The following TANC2 variants were observed in gnomAD, a reference collection of about 807,000 sequenced individuals.
The protein encoded by TANC2 is tetratricopeptide repeat, ankyrin repeat and coiled-coil containing 2.
TANC2 carries 26 observed loss-of-function variants against 210.5 expected under a neutral mutation model. The observed-to-expected ratio is 0.12, with a 90% CI of 0.09 to 0.17. The LOEUF (loss-of-function observed/expected upper bound fraction) is 0.17, where lower values mean the gene tolerates loss of function less well. TANC2 is among the 10% of genes least tolerant of loss of function. The pLI, the probability that TANC2 is intolerant of heterozygous loss-of-function variation, is 1.00. For synonymous variants in TANC2, 931 were observed against 967.1 expected (o/e 0.96, Z 0.69); for missense variants, 2,129 against 2,608.9 (o/e 0.82, Z 4.01).
intron 15 of TANC2, among the ~76,000 whole-genome samples, chr17:63,383,118 A>G (rs780441927): frequency 1.3e-5 from 2 of 152,160 alleles, no homozygotes; most frequent in Non-Finnish European, 2.9e-5. Context: ...GAGTTCCCAC[A>G]TACTCCCCCA....
chr17:63,402,415 G>A (rs2048371323), intron 19 of TANC2, among the ~76,000 whole-genome samples: 1 of 152,136 alleles, frequency 6.6e-6, no homozygotes, highest in South Asian at 2.1e-4. Context: ...CTGACATATA[G>A]CTCAATAAGT....
At chr17:63,144,356 A>G (rs1267765558) in intron 4 of TANC2, among the ~76,000 whole-genome samples, 1 of 152,148 alleles carries the variant, frequency 6.6e-6, no homozygotes, top group Non-Finnish European at 1.5e-5. Context: ...TGATATTTGT[A>G]TTGGTAAACA....
chr17:63,152,286 A>G (rs951354446), intron 5 of TANC2: 1 of 152,164 alleles, frequency 6.6e-6, no homozygotes. Flanking sequence ...GTTCTGGGGA[A>G]GATATCAGTA....
chr17:63,112,373 G>A (rs2038083478), intron 4 of TANC2, among the ~76,000 whole-genome samples: 1 of 152,154 alleles, frequency 6.6e-6, no homozygotes, highest in Non-Finnish European at 1.5e-5. Context: ...TCTAGGGGGA[G>A]GCAGTAGGCA....
At chr17:63,189,128 C>G (rs753094981) in intron 5 of TANC2, among the ~76,000 whole-genome samples, 37 of 151,646 alleles carry the variant, frequency 2.4e-4, no homozygotes, top group Non-Finnish European at 2.4e-4. Context: ...TTTTTCATGG[C>G]CAAATGTTCC....
chr17:63,254,545 C>T (rs893777338), intron 8 of TANC2, among the ~76,000 whole-genome samples: 3 of 152,098 alleles, frequency 2.0e-5, no homozygotes, highest in African/African-American at 7.2e-5. Flanking sequence ...GCATCCTTGT[C>T]TTGTTCTAGT....
exon 26 of TANC2, chr17:63,415,602 G>T (rs540743422): frequency 6.2e-7 from 1 of 1,613,714 alleles, no homozygotes; most frequent in African/African-American, 1.3e-5. Context: ...GGTTTGGTGA[G>T]GACTTGAAAA....
chr17:63,120,831 A>C (rs1047198530), intron 4 of TANC2: 1 of 151,052 alleles, frequency 6.6e-6, no homozygotes, highest in Non-Finnish European at 1.5e-5. Flanking sequence ...AAAAAAAAAA[A>C]AAAAAAAAAA....
intron 1 of TANC2, among the ~76,000 whole-genome samples, chr17:62,983,818 C>T (rs1296990872): frequency 1.3e-5 from 2 of 152,042 alleles, no homozygotes; most frequent in African/African-American, 4.8e-5. Context: ...AGATAAATCT[C>T]ACTTGATTAT....
intron 14 of TANC2, among the ~76,000 whole-genome samples, chr17:63,356,733 C>T (rs2046791983): frequency 1.3e-5 from 2 of 152,114 alleles, no homozygotes; most frequent in South Asian, 4.1e-4. Flanking sequence ...GGAACTTTGA[C>T]CTTTGGAAAA....
chr17:63,201,276 A>G (rs1332980161), intron 7 of TANC2, among the ~76,000 whole-genome samples: 1 of 152,186 alleles, frequency 6.6e-6, no homozygotes, highest in Non-Finnish European at 1.5e-5. Flanking sequence ...GAAAAAGTTC[A>G]TTCCTTACTG....
chr17:63,308,842 G>A (rs2045016176), intron 9 of TANC2, among the ~76,000 whole-genome samples: 1 of 151,736 alleles, frequency 6.6e-6, no homozygotes, highest in Admixed American at 6.6e-5. Flanking sequence ...AATTCATTTT[G>A]CAGCTTTTTA....
chr17:63,212,036 C>G (rs1010730485), intron 7 of TANC2, among the ~76,000 whole-genome samples: 8 of 152,136 alleles, frequency 5.3e-5, no homozygotes, highest in African/African-American at 1.7e-4. Context: ...TCCAGCCCCC[C>G]ACCCCACAAC....
At chr17:63,044,718 C>T (rs879806629) in intron 2 of TANC2, among the ~76,000 whole-genome samples, 5 of 152,040 alleles carry the variant, frequency 3.3e-5, no homozygotes, top group Non-Finnish European at 5.9e-5. Context: ...AGAGTTTTTT[C>T]TTTTTCCTAT....
At chr17:63,305,023 T>C (rs1452030928) in intron 9 of TANC2, among the ~76,000 whole-genome samples, 1 of 152,202 alleles carries the variant, frequency 6.6e-6, no homozygotes, top group Non-Finnish European at 1.5e-5. Flanking sequence ...CTATCAGTCC[T>C]ATTGTTCGCT....
At chr17:63,115,988 G>C (rs2038236491) in intron 4 of TANC2, among the ~76,000 whole-genome samples, 2 of 152,124 alleles carry the variant, frequency 1.3e-5, no homozygotes, top group African/African-American at 4.8e-5. Flanking sequence ...GGAGATAAAT[G>C]CATCATAAAT....
chr17:62,992,940 T>C (rs927890368), intron 1 of TANC2, among the ~76,000 whole-genome samples: 1 of 152,224 alleles, frequency 6.6e-6, no homozygotes, highest in Non-Finnish European at 1.5e-5. Context: ...GGCATACCTG[T>C]GTTCCGTCTG....
At chr17:63,345,543 C>T (rs978473844) in intron 12 of TANC2, among the ~76,000 whole-genome samples, 6 of 146,276 alleles carry the variant, frequency 4.1e-5, no homozygotes, top group Admixed American at 1.4e-4. Flanking sequence ...CACTTGAACC[C>T]GGGAGGTGGA....
chr17:63,385,951 G>A lies in TANC2; in HGVS notation c.2692-2684G>A, dbSNP rs117370868. ...CCAGCCTTTTGGCTCATGCTCTTAG[G>A]ATAGAATGGAACGAGAGGATACGTA... is the stretch of plus-strand genomic sequence containing the variant. On this transcript the variant is annotated intron_variant, in intron 15 of 27. Transcript: ENST00000689528. Among the ~76,000 whole-genome samples the A allele has an allele frequency of 1.9e-4, 29 of 152,314 alleles. No individual in the cohort carries two copies. The East Asian group carries it at 5.4e-3, about 28-fold the overall frequency.
Sources: gnomAD v4.1 joint callset for allele counts (sites outside exome capture counted in the v4.1 genomes callset) on GRCh38, gnomAD v4.1.1 for gene constraint, MANE v1.5 for transcripts, NCBI Gene and HGNC (gene_info 2026-07-23, HGNC 2026-07-21) for gene names.